TGM3: variants seen among roughly 807,000 people sequenced by gnomAD.
The protein encoded by TGM3 is protein-glutamine gamma-glutamyltransferase E.
A neutral mutation model predicts 73.8 loss-of-function variants in TGM3; 52 were observed. The observed-to-expected ratio is 0.70, with a 90% confidence interval of 0.56 to 0.89. The LOEUF is 0.89. Among genes scored for constraint, TGM3 ranks in the 40% least tolerant of loss-of-function variants. The pLI, the probability that TGM3 is intolerant of heterozygous loss-of-function variation, is 0.00. For synonymous variants in TGM3, 372 were observed against 354.9 expected, an observed-to-expected ratio of 1.05 and a Z score of -0.54; for missense variants, 928 against 909.9, an observed-to-expected ratio of 1.02 and a Z score of -0.26.
chr20:2,330,155 C>G (rs1007307449), intron 9 of TGM3, among the ~76,000 whole-genome samples: 1 of 152,190 alleles, frequency 6.6e-6, no homozygotes, highest in Non-Finnish European at 1.5e-5. Flanking sequence ...CCTAATGACT[C>G]TAGCTTCTCT....
At chr20:2,300,073 C>T (rs928242374) in intron 1 of TGM3, among the ~76,000 whole-genome samples, 3 of 147,066 alleles carry the variant, frequency 2.0e-5, no homozygotes, top group South Asian at 2.1e-4. Flanking sequence ...CACCACTACA[C>T]TCCAGCTTGG....
chr20:2,340,966 C>G lies in TGM3; in HGVS notation c.*385C>G, dbSNP rs576800007. On this transcript the variant is annotated 3_prime_UTR_variant, in exon 13 of 13. Transcript: ENST00000381458. ...ACTGTTTGCTGATCCCCAACCTGCA[C>G]GGGGCATTCCTGCTTCTCTCTCAGG... 2 of 463,534 alleles carry G rather than the reference C, an allele frequency of 4.3e-6. No individual in the cohort carries two copies. The highest frequency in any genetic ancestry group is 4.7e-5 in the Admixed American group (2 of 42,742). 28.7% of individuals were successfully genotyped at this position (463,534 alleles called of 1,614,324 possible). A position where few individuals can be genotyped will look rare whatever the true frequency, so the allele number is the denominator to read the frequency against.
At position 2,334,551 on chromosome 20, in the gene TGM3, A is replaced by G. The variant is rs1448149771; in HGVS notation, c.1643-565A>G. Reference sequence around the variant, plus strand: ...GAGGATCCTAAGCGTTTGTTTAGCCAATACCCTGGCTTCCCTTCCTACCTA... The same window carrying G: ...GAGGATCCTAAGCGTTTGTTTAGCCGATACCCTGGCTTCCCTTCCTACCTA... On this transcript the variant is annotated intron_variant, in intron 10 of 12. Coordinates refer to ENST00000381458, the MANE Select transcript of TGM3 (RefSeq NM_003245.4). The surrounding 1 kb of genome is among the most constrained non-coding windows in gnomAD (Gnocchi z 4.0). Among the ~76,000 whole-genome samples the G allele has an allele frequency of 6.6e-6, 1 of 152,124 alleles. No individual in the cohort carries two copies. The highest frequency in any genetic ancestry group is 2.4e-5 in the African/African-American group (1 of 41,422).
chr20:2,335,343 G>C (rs967215368), intron 11 of TGM3, 70 bp downstream of exon 11: 23 of 1,581,664 alleles, frequency 1.5e-5, no homozygotes, highest in Non-Finnish European at 2.0e-5. Context: ...GAGCCCCACT[G>C]TCCCTGTGAG....
intron 5 of TGM3, among the ~76,000 whole-genome samples, chr20:2,314,025 C>G (rs1388563889): frequency 1.3e-5 from 2 of 151,648 alleles, no homozygotes; most frequent in Non-Finnish European, 2.9e-5. Flanking sequence ...AAAAAATTAG[C>G]AGGGCATGGT....
chr20:2,326,267 C>A (rs747098410), intron 8 of TGM3, among the ~76,000 whole-genome samples: 1 of 152,194 alleles, frequency 6.6e-6, no homozygotes, highest in African/African-American at 2.4e-5. Context: ...CTCTCCTTCC[C>A]AGCACAGAAA....
At chr20:2,339,772 G>A (rs1568635630) in intron 11 of TGM3, 82 bp from the exon 12 acceptor site, 2 of 1,586,774 alleles carry the variant, frequency 1.3e-6, no homozygotes, top group Middle Eastern at 1.7e-4. Context: ...CCTTCACTCA[G>A]TCACCCTGCC....
chr20:2,310,256 T>C lies in TGM3; in HGVS notation c.260T>C (p.Val87Ala). ...GGCAGTAGTGGTGGCTGGAGTGCGG[T>C]GCTTCAGGCCAGCAATGGCAATACT... ...SNGSSGGWSA[V>A]LQASNGNTLT... Residue 87 changes from valine to alanine, a missense_variant, in exon 3 of 13, where the codon GTG (valine) becomes GCG (alanine). Coordinates refer to ENST00000381458, the MANE Select transcript of TGM3 (RefSeq NM_003245.4). The C allele has an allele frequency of 6.2e-7, 1 of 1,614,220 alleles. No individual in the cohort carries two copies.
At position 2,313,023 on chromosome 20, in the gene TGM3, C is replaced by T; in HGVS notation, c.666C>T (p.Ala222=). ...DPKYVGRVLS[A]MINSNDDNGV... ...AATACGTTGGCCGGGTGCTGAGTGC[C>T]ATGGTGAGTAACAGGAAAACGATCA... Residue 222 remains alanine (A), a synonymous_variant, in exon 5 of 13, where the codon GCC becomes GCT. Coordinates refer to ENST00000381458, the MANE Select transcript of TGM3 (RefSeq NM_003245.4). The T allele has an allele frequency of 6.2e-7, 1 of 1,614,104 alleles. No homozygotes were observed. The highest frequency in any genetic ancestry group is 8.5e-7 in the Non-Finnish European group (1 of 1,180,022).
At chr20:2,320,360 A>G (rs577714150) in intron 7 of TGM3, among the ~76,000 whole-genome samples, 2 of 152,338 alleles carry the variant, frequency 1.3e-5, no homozygotes, top group African/African-American at 2.4e-5. Flanking sequence ...ATCTTCACAA[A>G]TGACGTAGGC....
chr20:2,306,080 G>C (rs148872401), intron 1 of TGM3, among the ~76,000 whole-genome samples: 7 of 152,240 alleles, frequency 4.6e-5, no homozygotes, highest in South Asian at 2.1e-4. Flanking sequence ...ACAAGACATT[G>C]GTCTCTGGGA....
intron 7 of TGM3, among the ~76,000 whole-genome samples, chr20:2,321,671 G>T (rs1033800339): frequency 2.0e-5 from 3 of 152,172 alleles, no homozygotes; most frequent in Non-Finnish European, 4.4e-5. Flanking sequence ...TCTGATGCCC[G>T]CAGCCTGTCC....
chr20:2,316,612 A>G (rs1164252066), intron 5 of TGM3, among the ~76,000 whole-genome samples: 2 of 144,148 alleles, frequency 1.4e-5, no homozygotes, highest in Non-Finnish European at 3.0e-5. Context: ...ATAAAAATAA[A>G]TAAAATAAAT....
intron 5 of TGM3, among the ~76,000 whole-genome samples, chr20:2,314,530 T>TACACAC (rs11473649): frequency 0.014 from 1,900 of 136,774 alleles, 30 homozygotes; most frequent in African/African-American, 0.042. Flanking sequence ...CATCTACACA[T>TACACAC]ACACACACAC....
rs2084340063 is a variant in TGM3, at chr20:2,334,879, C to T, written c.1643-237C>T. Among the ~76,000 whole-genome samples, 1 of 152,184 alleles carries T rather than the reference C, an allele frequency of 6.6e-6. No individual in the cohort carries two copies. The highest frequency in any genetic ancestry group is 2.1e-4 in the South Asian group (1 of 4,834). ...GTATCTTTAGCCCCTGTGAGCCCAT[C>T]CTCCTGGGAATCTGCCCAGCCAGAG... On this transcript the variant is annotated intron_variant, in intron 10 of 12. Transcript: ENST00000381458. The surrounding 1 kb of genome is among the most constrained non-coding windows in gnomAD (Gnocchi z 4.0).
At chr20:2,306,935 G>A (rs576796155) in intron 1 of TGM3, among the ~76,000 whole-genome samples, 1 of 152,200 alleles carries the variant, frequency 6.6e-6, no homozygotes, top group Non-Finnish European at 1.5e-5. Flanking sequence ...CAGCCATCTA[G>A]GGCTCAGTGT....
intron 1 of TGM3, among the ~76,000 whole-genome samples, chr20:2,305,134 C>T (rs2084170416): frequency 6.6e-6 from 1 of 152,148 alleles, no homozygotes; most frequent in African/African-American, 2.4e-5. Flanking sequence ...TTTATGAAGA[C>T]TTCATTTATA....
At chr20:2,335,001 G>A (rs778574794) in intron 10 of TGM3, 115 bp from the exon 11 acceptor site, 78 of 1,347,024 alleles carry the variant, frequency 5.8e-5, no homozygotes, top group Middle Eastern at 2.1e-4. Flanking sequence ...AGTCAAGCCC[G>A]GGGCTGCAGA....
chr20:2,337,017 C>T (rs989790935), intron 11 of TGM3, among the ~76,000 whole-genome samples: 9 of 152,168 alleles, frequency 5.9e-5, no homozygotes, highest in African/African-American at 2.2e-4. Flanking sequence ...GAATATTATC[C>T]TTCTTTGTGC....
Sources: gnomAD v4.1 joint callset for allele counts (sites outside exome capture counted in the v4.1 genomes callset) on GRCh38, gnomAD v4.1.1 for gene constraint, Gnocchi (gnomAD v3.1) non-coding constraint, MANE v1.5 for transcripts, NCBI Gene and HGNC (gene_info 2026-07-23, HGNC 2026-07-21) for gene names.